Variants in FAM151B observed in about 807,000 individuals in gnomAD.
FAM151B encodes family with sequence similarity 151 member B, also known as protein FAM151B.
Under a neutral mutation model 31.2 loss-of-function variants are expected in FAM151B, and 24 were observed. That is an observed-to-expected ratio of 0.77 (90% CI 0.56 to 1.08). The LOEUF (loss-of-function observed/expected upper bound fraction) is 1.08. FAM151B is among the 50% of genes least tolerant of loss of function. The pLI is 0.00. For missense variants in FAM151B, 293 were observed against 328.6 expected (o/e 0.89, Z 0.84); for synonymous variants, 105 against 111.4 (o/e 0.94, Z 0.36).
chr5:80,525,763 G>T (rs938533304), intron 5 of FAM151B, among the ~76,000 whole-genome samples: 1 of 152,058 alleles, frequency 6.6e-6, no homozygotes, highest in Non-Finnish European at 1.5e-5. Context: ...AACCTCTAAG[G>T]CTCTTTGCTT....
At chr5:80,505,015 A>G (rs1432618342) in intron 2 of FAM151B, among the ~76,000 whole-genome samples, 3 of 152,208 alleles carry the variant, frequency 2.0e-5, no homozygotes, top group Non-Finnish European at 4.4e-5. Flanking sequence ...TGGCGAGATA[A>G]GCCACACAAA....
intron 2 of FAM151B, among the ~76,000 whole-genome samples, chr5:80,511,586 A>G (rs1019548526): frequency 6.6e-6 from 1 of 151,050 alleles, no homozygotes; most frequent in Non-Finnish European, 1.5e-5. Context: ...GTTTTTGCCC[A>G]CTATTTTATT....
chr5:80,506,553 C>T (rs1743861252), intron 2 of FAM151B, among the ~76,000 whole-genome samples: 1 of 152,164 alleles, frequency 6.6e-6, no homozygotes, highest in African/African-American at 2.4e-5. Flanking sequence ...ATGAGTCCAT[C>T]CTAATTGGAT....
At chr5:80,492,452 G>A (rs1220578671) in intron 1 of FAM151B, among the ~76,000 whole-genome samples, 4 of 152,110 alleles carry the variant, frequency 2.6e-5, no homozygotes, top group African/African-American at 4.8e-5. Context: ...CATGCTGGCC[G>A]GCTTGGCGAG....
rs575219120 is a variant in FAM151B, at chr5:80,514,967, C to T, written c.317+1198C>T. Among the ~76,000 whole-genome samples the T allele has an allele frequency of 2.0e-3, 305 of 152,078 alleles. 1 individual carries two copies. Among genetic ancestry groups the T allele is most frequent in the South Asian group, 6.6e-3 (32 of 4,826 alleles). ...CATAAACTTTTTTTTCGACCGGGCA[C>T]GGTGGCTCACGCTTGTAATCCCAGC... On this transcript the variant is annotated intron_variant, in intron 3 of 5. Coordinates refer to ENST00000282226, the MANE Select transcript of FAM151B (RefSeq NM_205548.3).
chr5:80,509,653 C>T (rs1744109508), intron 2 of FAM151B, among the ~76,000 whole-genome samples: 1 of 152,156 alleles, frequency 6.6e-6, no homozygotes, highest in African/African-American at 2.4e-5. Context: ...GAATAAGAAA[C>T]AGTTTTATTT....
intron 5 of FAM151B, among the ~76,000 whole-genome samples, chr5:80,524,984 A>G (rs1049219377): frequency 2.0e-5 from 3 of 152,216 alleles, no homozygotes; most frequent in Non-Finnish European, 2.9e-5. Context: ...GCATACAGGC[A>G]CTGTTTCATC....
intron 1 of FAM151B, among the ~76,000 whole-genome samples, chr5:80,489,502 C>T (rs1743232987): frequency 6.6e-6 from 1 of 152,220 alleles, no homozygotes; most frequent in Non-Finnish European, 1.5e-5. Context: ...AAGACTTACA[C>T]CATTCTCACT....
chr5:80,523,641 A>G (rs1449326704), intron 5 of FAM151B, among the ~76,000 whole-genome samples: 2 of 152,206 alleles, frequency 1.3e-5, no homozygotes, highest in South Asian at 4.1e-4. Flanking sequence ...TATATGTTAT[A>G]GATAATGCAG....
intron 2 of FAM151B, among the ~76,000 whole-genome samples, chr5:80,504,606 T>C (rs1044507120): frequency 2.1e-5 from 3 of 142,292 alleles, no homozygotes; most frequent in Non-Finnish European, 3.0e-5. Context: ...CTGCAACCTC[T>C]GCCTCCCGGG....
chr5:80,541,704 G>A lies in FAM151B; in HGVS notation c.703G>A (p.Asp235Asn). ...YSLTIWTGKNDNYSVEDLLYI... is the reference protein window; with the variant it reads ...YSLTIWTGKNNNYSVEDLLYI... ...CCTGACTATTTGGACTGGAAAAAAT[G>A]ATAACTATTCCGTTGAAGATTTACT... The change falls in exon 6 of 6, where the codon GAT (aspartate) becomes AAT (asparagine). Residue 235 changes from aspartate to asparagine, a missense_variant. Transcript: ENST00000282226. 6.2e-7 allele frequency: 1 copy of A among 1,613,546 alleles called. No homozygotes were observed. The highest frequency in any genetic ancestry group is 8.5e-7 in the Non-Finnish European group (1 of 1,179,738).
intron 2 of FAM151B, among the ~76,000 whole-genome samples, chr5:80,505,139 AAGG>A (rs1410200146): frequency 6.6e-6 from 1 of 152,190 alleles, no homozygotes; most frequent in African/African-American, 2.4e-5. Flanking sequence ...TAGAGAATAA[AAGG>A]AGTATAAAAC....
At position 80,515,276 on chromosome 5, in the gene FAM151B, A is replaced by G. The variant is rs529782477; in HGVS notation, c.317+1507A>G. Reference sequence around the variant, plus strand: ...ATAAATAAATAAATAATAAAAAATCATAAACTTTTTGAGTTATCAATGGTT... The same window carrying G: ...ATAAATAAATAAATAATAAAAAATCGTAAACTTTTTGAGTTATCAATGGTT... On this transcript the variant is annotated intron_variant, in intron 3 of 5. Coordinates refer to ENST00000282226, the MANE Select transcript of FAM151B (RefSeq NM_205548.3). 6.1e-4 allele frequency among the ~76,000 whole-genome samples: 92 copies of G among 151,424 alleles called. 1 individual carries two copies. The Middle Eastern group carries it at 0.014, about 23-fold the overall frequency.
intron 5 of FAM151B, among the ~76,000 whole-genome samples, chr5:80,541,303 C>T (rs568619516): frequency 1.3e-5 from 2 of 152,294 alleles, no homozygotes; most frequent in South Asian, 4.1e-4. Flanking sequence ...GTGCTTTTCA[C>T]CCTGACCAGG....
At chr5:80,488,267 G>A in intron 1 of FAM151B, 119 bp downstream of exon 1, 1 of 1,272,850 alleles carries the variant, frequency 7.9e-7, no homozygotes, top group East Asian at 2.8e-5. Context: ...GGAGCGCGCC[G>A]CGCAGAACCG....
At chr5:80,529,965 A>G (rs1263239052) in intron 5 of FAM151B, among the ~76,000 whole-genome samples, 1 of 152,232 alleles carries the variant, frequency 6.6e-6, no homozygotes, top group Non-Finnish European at 1.5e-5. Context: ...TCCGTGATGA[A>G]CATCGCTGCA....
At chr5:80,492,321 T>G (rs1333138473) in intron 1 of FAM151B, among the ~76,000 whole-genome samples, 1 of 152,202 alleles carries the variant, frequency 6.6e-6, no homozygotes, top group African/African-American at 2.4e-5. Flanking sequence ...AATTATTATA[T>G]TTATTATGGT....
Position 80,519,783 on chromosome 5 carries a change from T to G in FAM151B, c.408T>G (p.Pro136=). ...RPVWINADIL[P]GPNGNSKVID... ...TATGGATTAATGCCGATATTCTTCC[T>G]GGTCCAAATGGAAATAGCAAAGTAA... The change falls in exon 4 of 6, where the codon CCT becomes CCG. Residue 136 remains proline (P), a synonymous_variant. Transcript: ENST00000282226. 5 of 1,614,188 alleles carry G rather than the reference T, an allele frequency of 3.1e-6. No individual in the cohort carries two copies. The highest frequency in any genetic ancestry group is 4.2e-6 in the Non-Finnish European group (5 of 1,180,022).
intron 2 of FAM151B, among the ~76,000 whole-genome samples, chr5:80,504,513 TC>T (rs1168506889): frequency 1.6e-5 from 2 of 123,528 alleles, no homozygotes; most frequent in African/African-American, 5.8e-5. Flanking sequence ...CGACTATTAC[TC>T]TTTTTTTTTT....
Sources: gnomAD v4.1 joint callset for allele counts (sites outside exome capture counted in the v4.1 genomes callset) on GRCh38, gnomAD v4.1.1 for gene constraint, MANE v1.5 for transcripts, NCBI Gene and HGNC (gene_info 2026-07-23, HGNC 2026-07-21) for gene names.